FRMD5: variants seen among roughly 807,000 people sequenced by gnomAD.
The protein encoded by FRMD5 is FERM domain containing 5.
FRMD5 carries 20 observed loss-of-function variants against 69.0 expected under a neutral mutation model. The observed-to-expected ratio is 0.29, with a 90% CI of 0.20 to 0.42. The LOEUF is 0.42. Ranked by LOEUF, FRMD5 falls within the 10% of genes least tolerant of loss-of-function variation. FRMD5 has a pLI of 1.00. For missense variants in FRMD5, 595 were observed against 708.6 expected (o/e 0.84, Z 1.82); for synonymous variants, 271 against 260.1 (o/e 1.04, Z -0.40).
At position 43,888,282 on chromosome 15, in the gene FRMD5, C is replaced by T; in HGVS notation, c.793-16G>A. On this transcript the variant is annotated splice_polypyrimidine_tract_variant and intron_variant, in intron 9 of 13. Coordinates refer to ENST00000417257, the MANE Select transcript of FRMD5 (RefSeq NM_032892.5). ...TTTTCTTTTCCTGCAAAAAATTCCA[C>T]ATTGATATGGCTGAGTGTGGATGGA... 6.4e-7 allele frequency: 1 copy of T among 1,566,886 alleles called. No individual in the cohort carries two copies. Among genetic ancestry groups the T allele is most frequent in the Non-Finnish European group, 8.8e-7 (1 of 1,137,152 alleles).
chr15:43,988,812 C>T (rs528836470), intron 1 of FRMD5, among the ~76,000 whole-genome samples: 7 of 152,082 alleles, frequency 4.6e-5, no homozygotes, highest in South Asian at 2.1e-4. Context: ...ACACATCTCA[C>T]GATATTTGGA....
At chr15:44,039,075 T>C (rs1892066209) in intron 1 of FRMD5, among the ~76,000 whole-genome samples, 1 of 152,122 alleles carries the variant, frequency 6.6e-6, no homozygotes. Flanking sequence ...CTCTCGTAAG[T>C]CTGAACTGGG....
At chr15:43,954,722 A>G (rs912877107) in intron 1 of FRMD5, among the ~76,000 whole-genome samples, 2 of 152,216 alleles carry the variant, frequency 1.3e-5, no homozygotes, top group Admixed American at 1.3e-4. Context: ...CTTGTTTAAC[A>G]GGGGATCAGA....
At chr15:43,974,141 G>A (rs1389317656) in intron 1 of FRMD5, among the ~76,000 whole-genome samples, 1 of 151,764 alleles carries the variant, frequency 6.6e-6, no homozygotes, top group Non-Finnish European at 1.5e-5. Flanking sequence ...TCAGCAGTAG[G>A]GTGCTATGAA....
intron 1 of FRMD5, among the ~76,000 whole-genome samples, chr15:44,186,649 C>T (rs2140590277): frequency 6.6e-6 from 1 of 152,346 alleles, no homozygotes; most frequent in East Asian, 1.9e-4. Context: ...TCCCACAATA[C>T]CACTTCACAG....
At chr15:44,065,283 T>G (rs1212105485) in intron 1 of FRMD5, among the ~76,000 whole-genome samples, 2 of 152,204 alleles carry the variant, frequency 1.3e-5, no homozygotes, top group Non-Finnish European at 2.9e-5. Context: ...AAAGAGGTCC[T>G]GGTAGGACTA....
intron 8 of FRMD5, among the ~76,000 whole-genome samples, chr15:43,890,172 C>A (rs1217345231): frequency 6.6e-6 from 1 of 152,130 alleles, no homozygotes; most frequent in Admixed American, 6.6e-5. Flanking sequence ...TACAATAATG[C>A]CAATTGGTTA....
chr15:43,904,037 G>C lies in FRMD5; in HGVS notation c.552-1775C>G, dbSNP rs528803597. On this transcript the variant is annotated intron_variant, in intron 6 of 13. Coordinates refer to ENST00000417257, the MANE Select transcript of FRMD5 (RefSeq NM_032892.5). ...ACCTGGGAAGGCACACCGAGGGAGA[G>C]GGGCGGGAAGCATCTAAGATTCCAT... Among the ~76,000 whole-genome samples the C allele has an allele frequency of 2.0e-5, 3 of 152,330 alleles. No individual in the cohort carries two copies. In the East Asian group the frequency reaches 5.8e-4, roughly 29 times the overall value.
chr15:44,144,936 G>C (rs936840682), intron 1 of FRMD5, among the ~76,000 whole-genome samples: 1 of 152,148 alleles, frequency 6.6e-6, no homozygotes, highest in Non-Finnish European at 1.5e-5. Flanking sequence ...GAGAAGAAAG[G>C]GTCCTGACTG....
At chr15:44,193,775 CTT>C (rs2078234411) in intron 1 of FRMD5, among the ~76,000 whole-genome samples, 2 of 152,220 alleles carry the variant, frequency 1.3e-5, no homozygotes, top group African/African-American at 4.8e-5. Flanking sequence ...TACCCAGTGT[CTT>C]TCTCACACAC....
chr15:44,183,479 A>T (rs1183273994), intron 1 of FRMD5, among the ~76,000 whole-genome samples: 1 of 152,208 alleles, frequency 6.6e-6, no homozygotes, highest in Non-Finnish European at 1.5e-5. Flanking sequence ...AGAGAATAGA[A>T]TGTGGTCAGC....
chr15:43,995,183 T>C (rs1889862972), intron 1 of FRMD5, among the ~76,000 whole-genome samples: 1 of 152,222 alleles, frequency 6.6e-6, no homozygotes, highest in Non-Finnish European at 1.5e-5. Flanking sequence ...ACATTTTAAA[T>C]ATCTAGATTA....
chr15:44,192,168 T>C (rs986047965), intron 1 of FRMD5, among the ~76,000 whole-genome samples: 19 of 152,022 alleles, frequency 1.2e-4, no homozygotes, highest in Admixed American at 3.9e-4. Flanking sequence ...GCAACCTTCA[T>C]TGAAAAGATA....
Position 44,021,697 on chromosome 15 carries a change from A to G in FRMD5, c.103-97388T>C, listed in dbSNP as rs114766031. Among the ~76,000 whole-genome samples the G allele has an allele frequency of 3.3e-3, 502 of 152,346 alleles. 4 individuals carry two copies. Among genetic ancestry groups the G allele is most frequent in the African/African-American group, 0.011 (477 of 41,582 alleles). ...GATGTGGAGAAACTAGAACTCTTAT[A>G]TATGTAAAATGATACAGCTGCTATG... is the stretch of plus-strand genomic sequence containing the variant. On this transcript the variant is annotated intron_variant, in intron 1 of 13. Coordinates refer to ENST00000417257, the MANE Select transcript of FRMD5 (RefSeq NM_032892.5).
intron 13 of FRMD5, among the ~76,000 whole-genome samples, chr15:43,878,377 G>A (rs969716802): frequency 1.3e-5 from 2 of 152,166 alleles, no homozygotes; most frequent in African/African-American, 4.8e-5. Context: ...GGAACCATGG[G>A]CCAGGACGGA....
rs1212572459 is a variant in FRMD5 at position 44,005,485 on chromosome 15, AAAAAAAAAG to A, written c.103-81185_103-81177del. 3.3e-5 allele frequency among the ~76,000 whole-genome samples: 5 copies of A among 151,896 alleles called. No individual in the cohort carries two copies. The South Asian group carries it at 1.0e-3, about 32-fold the overall frequency. On this transcript the variant is annotated intron_variant, in intron 1 of 13. Transcript: ENST00000417257. ...AAACTCCATCTCAAAAAAAAAAAAAAAAAAAAAAGAAAAAAGAAATATCTGAGAGTGGGT... is the reference window on the plus strand; with the variant it reads ...AAACTCCATCTCAAAAAAAAAAAAAAAAAAAAGAAATATCTGAGAGTGGGT...
At chr15:44,037,318 C>G (rs1401592965) in intron 1 of FRMD5, among the ~76,000 whole-genome samples, 4 of 152,084 alleles carry the variant, frequency 2.6e-5, no homozygotes, top group Non-Finnish European at 5.9e-5. Flanking sequence ...GACATGAACT[C>G]ATCCTTTTTT....
At chr15:44,173,092 T>C (rs912901971) in intron 1 of FRMD5, among the ~76,000 whole-genome samples, 5 of 152,178 alleles carry the variant, frequency 3.3e-5, no homozygotes, top group Non-Finnish European at 7.3e-5. Context: ...TGATAAAGTA[T>C]TGTAACTCTA....
chr15:43,975,497 G>A (rs2090449076), intron 1 of FRMD5, among the ~76,000 whole-genome samples: 1 of 152,194 alleles, frequency 6.6e-6, no homozygotes, highest in Non-Finnish European at 1.5e-5. Context: ...CTTGAAAGAT[G>A]CTGGATTTCA....
Sources: allele counts gnomAD v4.1 joint callset (sites outside exome capture counted in the v4.1 genomes callset), GRCh38; gene constraint gnomAD v4.1.1; transcripts MANE v1.5; gene names NCBI Gene and HGNC (gene_info 2026-07-23, HGNC 2026-07-21).